Variants in LTN1 observed in about 807,000 individuals in gnomAD.
LTN1 encodes the protein listerin E3 ubiquitin protein ligase 1.
LTN1 carries 88 observed loss-of-function variants against 201.2 expected under a neutral mutation model. That is an observed-to-expected ratio of 0.44 (90% CI 0.37 to 0.52). LTN1 has a LOEUF of 0.52. LTN1 is among the 20% of genes least tolerant of loss of function. The pLI, the probability that LTN1 is intolerant of heterozygous loss-of-function variation, is 0.00. For missense variants in LTN1, 1,752 were observed against 2,038.7 expected (o/e 0.86, Z 2.71); for synonymous variants, 645 against 713.5 (o/e 0.90, Z 1.53).
In LTN1 at chr21:28,947,602, A is replaced by G. The variant is rs1228462461; in HGVS notation, c.3349T>C (p.Phe1117Leu). The G allele has an allele frequency of 6.4e-7, 1 of 1,555,388 alleles. No homozygotes were observed. The highest frequency in any genetic ancestry group is 1.4e-5 in the African/African-American group (1 of 71,498). ...TGCAAATTGCCTTCAGTTAGTGGAAAAAAACTGTTTAAAGAAAAAAAAAAC... is the reference window on the plus strand; with the variant it reads ...TGCAAATTGCCTTCAGTTAGTGGAAGAAAACTGTTTAAAGAAAAAAAAAAC... ...KPHYKRKESFFPLTEGNLHTI... is the reference protein window; with the variant it reads ...KPHYKRKESFLPLTEGNLHTI... Residue 1117 changes from phenylalanine (F) to leucine (L), a missense_variant, in exon 19 of 30, where the codon TTT becomes CTT. Phe to Leu is a conservative substitution (Grantham distance 22, BLOSUM62 0). Around this residue, in one of 3 missense-constraint regions of LTN1, gnomAD observed 1,211 missense variants for 1,312.8 expected, o/e 0.92. Coordinates refer to ENST00000361371, the MANE Select transcript of LTN1 (RefSeq NM_015565.3).
intron 6 of LTN1, among the ~76,000 whole-genome samples, chr21:28,972,066 T>C (rs188724254): frequency 1.3e-5 from 2 of 152,272 alleles, no homozygotes; most frequent in East Asian, 1.9e-4. Context: ...GCGAGGACTC[T>C]AGGAGATGAT....
intron 27 of LTN1, among the ~76,000 whole-genome samples, chr21:28,932,904 GT>G (rs956786691): frequency 6.6e-5 from 10 of 152,226 alleles, no homozygotes; most frequent in African/African-American, 2.4e-4. Flanking sequence ...CATAAAAAAG[GT>G]TTTATTATAT....
At chr21:28,968,946 C>T (rs927746157) in intron 9 of LTN1, among the ~76,000 whole-genome samples, 9 of 149,798 alleles carry the variant, frequency 6.0e-5, no homozygotes, top group African/African-American at 9.8e-5. Context: ...ACAGGCCGGG[C>T]GCGGTGGCTC....
Position 28,984,796 on chromosome 21 carries a change from T to TTA in LTN1, c.471_472insTA (p.Thr158Ter). Reference sequence around the variant, plus strand: ...GCTGCAAACGCAGCTGGTGTGTAAGTATCACACTGAGCCATTAGCCAATAT... The same window carrying TTA: ...GCTGCAAACGCAGCTGGTGTGTAAGTTAATCACACTGAGCCATTAGCCAATAT... On this transcript the variant is annotated frameshift_variant, in exon 4 of 30. Coordinates refer to ENST00000361371, the MANE Select transcript of LTN1 (RefSeq NM_015565.3). LOFTEE classifies it high-confidence loss of function. The TTA allele has an allele frequency of 6.2e-7, 1 of 1,614,158 alleles. No homozygotes were observed. Among genetic ancestry groups the TTA allele is most frequent in the Non-Finnish European group, 8.5e-7 (1 of 1,179,990 alleles).
intron 6 of LTN1, among the ~76,000 whole-genome samples, chr21:28,973,323 G>C (rs549270429): frequency 6.8e-6 from 1 of 146,190 alleles, no homozygotes; most frequent in Admixed American, 6.9e-5. Context: ...CTCCAGCCTG[G>C]GTGACAAAGC....
intron 29 of LTN1, among the ~76,000 whole-genome samples, 154 bp downstream of exon 29, chr21:28,931,001 A>G (rs1295860088): frequency 1.3e-5 from 2 of 152,110 alleles, no homozygotes; most frequent in Non-Finnish European, 2.9e-5. Flanking sequence ...ACTTTTTAAT[A>G]TATCTCCCAT....
intron 19 of LTN1, among the ~76,000 whole-genome samples, chr21:28,946,994 G>C (rs2084342913): frequency 6.6e-6 from 1 of 152,162 alleles, no homozygotes; most frequent in Non-Finnish European, 1.5e-5. Context: ...CTTCCTTTCT[G>C]CCACTTCTAT....
At chr21:28,991,621 C>A (rs1394162325) in intron 1 of LTN1, among the ~76,000 whole-genome samples, 1 of 152,200 alleles carries the variant, frequency 6.6e-6, no homozygotes, top group East Asian at 1.9e-4. Context: ...ATTCTTGCAA[C>A]TTTTCCTCAT....
chr21:28,981,022 C>A, intron 6 of LTN1, 97 bp downstream of exon 6: 1 of 656,354 alleles, frequency 1.5e-6, no homozygotes, highest in South Asian at 3.6e-5. Context: ...GATGTGCTTG[C>A]AGAGTTCTAA....
intron 6 of LTN1, among the ~76,000 whole-genome samples, chr21:28,978,136 C>T (rs1600998846): frequency 1.3e-5 from 2 of 151,990 alleles, no homozygotes; most frequent in Non-Finnish European, 2.9e-5. Flanking sequence ...TCAAGCGATC[C>T]TCCTGCCTCA....
In LTN1 at chr21:28,947,550, A is replaced by G. The variant is rs2084347752; in HGVS notation, c.3401T>C (p.Leu1134Ser). 6.3e-7 allele frequency: 1 copy of G among 1,596,648 alleles called. No individual in the cohort carries two copies. Among genetic ancestry groups the G allele is most frequent in the Non-Finnish European group, 8.5e-7 (1 of 1,174,234 alleles). Reference sequence around the variant, plus strand: ...AAATTCTTTCTTTTCTTCTTTTGACAAAAATGGACATAGACTTTGAATGGT... The same window carrying G: ...AAATTCTTTCTTTTCTTCTTTTGACGAAAATGGACATAGACTTTGAATGGT... Reference protein sequence around the residue: ...LHTIQSLCPFLSKEEKKEFSA... With the variant: ...LHTIQSLCPFSSKEEKKEFSA... The change falls in exon 19 of 30, where the codon TTG becomes TCG. Residue 1134 changes from leucine (L) to serine (S), a missense_variant. By Grantham distance (145) the Leu-to-Ser change is moderately radical. Transcript: ENST00000361371.
At position 28,930,473 on chromosome 21, in the gene LTN1, G is replaced by A; in HGVS notation, c.5276C>T (p.Pro1759Leu). The A allele has an allele frequency of 6.2e-7, 1 of 1,612,894 alleles. No individual in the cohort carries two copies. Among genetic ancestry groups the A allele is most frequent in the Middle Eastern group, 1.7e-4 (1 of 6,052 alleles). Residue 1759 changes from proline (P) to leucine (L), a missense_variant, in exon 30 of 30, where the codon CCA becomes CTA. Around this residue, in one of 3 missense-constraint regions of LTN1, gnomAD observed 261 missense variants for 350.1 expected, o/e 0.75. Transcript: ENST00000361371. Reference sequence around the variant, plus strand: ...TCAGAAAAACGTCTCACGACACAGTGGACAAGTGGATTTGTTGCTAGATGT... The same window carrying A: ...TCAGAAAAACGTCTCACGACACAGTAGACAAGTGGATTTGTTGCTAGATGT... Reference protein sequence around the residue: ...WFTSSNKSTCPLCRETFF With the variant: ...WFTSSNKSTCLLCRETFF
chr21:28,943,386 A>G, intron 23 of LTN1, 50 bp from the exon 24 acceptor site: 1 of 1,151,358 alleles, frequency 8.7e-7, no homozygotes, highest in Admixed American at 2.0e-5. Context: ...ACTGTTTATT[A>G]AGTCGTGCTC....
intron 6 of LTN1, 94 bp downstream of exon 6, chr21:28,981,025 A>T (rs2084654297): frequency 1.5e-6 from 1 of 671,444 alleles, no homozygotes; most frequent in Non-Finnish European, 2.3e-6. Context: ...GTGCTTGCAG[A>T]GTTCTAAGTA....
At chr21:28,990,114 C>A (rs1220362681) in intron 1 of LTN1, among the ~76,000 whole-genome samples, 1 of 152,160 alleles carries the variant, frequency 6.6e-6, no homozygotes, top group Non-Finnish European at 1.5e-5. Context: ...CTCATGTTTG[C>A]AACACTTGCC....
At chr21:28,946,031 A>G (rs1303079847) in intron 20 of LTN1, 80 bp from the exon 21 acceptor site, 3 of 1,430,158 alleles carry the variant, frequency 2.1e-6, no homozygotes, top group Non-Finnish European at 2.9e-6. Flanking sequence ...TAAATCTTAC[A>G]TACTTATTTA....
chr21:28,947,372 A>G (rs1431443543), intron 19 of LTN1, 92 bp downstream of exon 19: 1 of 1,024,114 alleles, frequency 9.8e-7, no homozygotes. Context: ...AATTCAATTT[A>G]CCTCTGCTAG....
At chr21:28,966,099 C>T (rs1020836218) in intron 10 of LTN1, among the ~76,000 whole-genome samples, 193 bp from the exon 11 acceptor site, 2 of 152,116 alleles carry the variant, frequency 1.3e-5, no homozygotes, top group African/African-American at 4.8e-5. Context: ...AAATGAAGTA[C>T]CCATGTAACC....
At chr21:28,977,763 C>A (rs1221469240) in intron 6 of LTN1, among the ~76,000 whole-genome samples, 1 of 151,104 alleles carries the variant, frequency 6.6e-6, no homozygotes, top group African/African-American at 2.4e-5. Context: ...CCCGTCTCTA[C>A]TAAAAAATAC....
Sources: gnomAD v4.1 joint callset for allele counts (sites outside exome capture counted in the v4.1 genomes callset) on GRCh38, gnomAD v4.1.1 for gene constraint, gnomAD v4.1.1 regional missense constraint, MANE v1.5 for transcripts, NCBI Gene and HGNC (gene_info 2026-07-23, HGNC 2026-07-21) for gene names.